Variants in CPNE8 observed in about 807,000 individuals in gnomAD.
CPNE8 encodes copine 8.
Under a neutral mutation model 81.5 loss-of-function variants are expected in CPNE8, and 45 were observed. The ratio of observed to expected loss-of-function variants is 0.55; its 90% CI spans 0.44 to 0.71. The LOEUF (loss-of-function observed/expected upper bound fraction) is 0.71, where lower values mean the gene tolerates loss of function less well. CPNE8 is among the 30% of genes least tolerant of loss of function. The probability of loss-of-function intolerance (pLI) is 0.00; values close to 1 mark genes in which losing one functional copy is unlikely to be tolerated. For missense variants in CPNE8, 594 were observed against 672.1 expected (o/e 0.88, Z 1.28); for synonymous variants, 252 against 226.3 (o/e 1.11, Z -1.02).
chr12:38,809,341 G>A (rs1016127641), intron 6 of CPNE8, among the ~76,000 whole-genome samples: 1 of 152,176 alleles, frequency 6.6e-6, no homozygotes, highest in African/African-American at 2.4e-5. Flanking sequence ...TCAGCAACAA[G>A]TAGGTTGAGT....
At chr12:38,843,053 C>T (rs1943499693) in intron 4 of CPNE8, among the ~76,000 whole-genome samples, 2 of 152,134 alleles carry the variant, frequency 1.3e-5, no homozygotes, top group Non-Finnish European at 2.9e-5. Flanking sequence ...TTAAGGAAGA[C>T]AGAATATATG....
At chr12:38,698,203 C>T (rs1268624020) in intron 14 of CPNE8, among the ~76,000 whole-genome samples, 19 of 152,126 alleles carry the variant, frequency 1.2e-4, no homozygotes, top group Non-Finnish European at 4.4e-5. Flanking sequence ...ACTTGTATAT[C>T]CTTCTTTGGA....
At chr12:38,723,181 GA>G (rs1229677220) in intron 13 of CPNE8, among the ~76,000 whole-genome samples, 2 of 152,146 alleles carry the variant, frequency 1.3e-5, no homozygotes, top group African/African-American at 2.4e-5. Context: ...AGGTTAAAAT[GA>G]GAAGCAAAAT....
chr12:38,836,636 C>T (rs1391562234), intron 5 of CPNE8, among the ~76,000 whole-genome samples: 1 of 152,160 alleles, frequency 6.6e-6, no homozygotes, highest in African/African-American at 2.4e-5. Flanking sequence ...CCACATGCAA[C>T]CTGGGCACTT....
chr12:38,879,263 C>T (rs898210567), intron 1 of CPNE8, among the ~76,000 whole-genome samples: 2 of 151,958 alleles, frequency 1.3e-5, no homozygotes, highest in African/African-American at 4.8e-5. Flanking sequence ...ATTCAAATTG[C>T]CAGATAGGAA....
chr12:38,721,811 C>T (rs907214641), intron 13 of CPNE8, among the ~76,000 whole-genome samples: 1 of 152,224 alleles, frequency 6.6e-6, no homozygotes, highest in African/African-American at 2.4e-5. Context: ...TTCCCCGGTG[C>T]CAGCCAGGGA....
rs1258295685 is a variant in CPNE8 at position 38,812,225 on chromosome 12, T to C, written c.407+17154A>G. Reference sequence around the variant, plus strand: ...CAGGTGCAGAAATAGTCCTATCATTTGAATGTGTCCCATCCAAACTTACGT... The same window carrying C: ...CAGGTGCAGAAATAGTCCTATCATTCGAATGTGTCCCATCCAAACTTACGT... On this transcript the variant is annotated intron_variant, in intron 6 of 19. Transcript: ENST00000331366. 2.0e-5 allele frequency among the ~76,000 whole-genome samples: 3 copies of C among 152,194 alleles called. No homozygotes were observed. The East Asian group carries it at 5.8e-4, about 29-fold the overall frequency.
At chr12:38,719,180 A>G (rs1940487285) in intron 13 of CPNE8, among the ~76,000 whole-genome samples, 1 of 152,218 alleles carries the variant, frequency 6.6e-6, no homozygotes, top group East Asian at 1.9e-4. Flanking sequence ...AGAATATCCA[A>G]TTCATGTGAA....
intron 19 of CPNE8, among the ~76,000 whole-genome samples, chr12:38,669,720 G>A (rs1218049524): frequency 6.6e-6 from 1 of 152,134 alleles, no homozygotes; most frequent in Non-Finnish European, 1.5e-5. Flanking sequence ...GGAGGTGGGA[G>A]GGAAAGTCTC....
At chr12:38,876,547 C>A (rs1443824786) in intron 1 of CPNE8, among the ~76,000 whole-genome samples, 1 of 148,920 alleles carries the variant, frequency 6.7e-6, no homozygotes, top group South Asian at 2.2e-4. Flanking sequence ...CTTTACTTGT[C>A]ACATTGTTTC....
chr12:38,709,776 C>A (rs929848587), intron 13 of CPNE8, among the ~76,000 whole-genome samples: 2 of 152,186 alleles, frequency 1.3e-5, no homozygotes, highest in African/African-American at 4.8e-5. Flanking sequence ...TTCACACCCA[C>A]TAATAAGGTA....
intron 6 of CPNE8, among the ~76,000 whole-genome samples, chr12:38,782,459 TA>T (rs1277059057): frequency 6.6e-6 from 1 of 152,126 alleles, no homozygotes; most frequent in African/African-American, 2.4e-5. Flanking sequence ...TGTGGTTGTG[TA>T]AAAGAATATT....
chr12:38,722,897 C>T (rs991909490), intron 13 of CPNE8, among the ~76,000 whole-genome samples: 11 of 152,066 alleles, frequency 7.2e-5, no homozygotes, highest in Non-Finnish European at 1.5e-4. Context: ...TAAGTGAGTT[C>T]TCATGAGATC....
chr12:38,692,614 G>A (rs1463734391), intron 15 of CPNE8, among the ~76,000 whole-genome samples: 1 of 152,174 alleles, frequency 6.6e-6, no homozygotes, highest in East Asian at 1.9e-4. Flanking sequence ...TGAACACAGA[G>A]GCAGGAAAGG....
At chr12:38,675,393 A>G (rs1429504408) in intron 18 of CPNE8, among the ~76,000 whole-genome samples, 2 of 152,186 alleles carry the variant, frequency 1.3e-5, no homozygotes, top group African/African-American at 4.8e-5. Context: ...CAAAAACTCA[A>G]TTTATCACTC....
chr12:38,816,886 T>C (rs1943032964), intron 6 of CPNE8, among the ~76,000 whole-genome samples: 1 of 152,170 alleles, frequency 6.6e-6, no homozygotes, highest in African/African-American at 2.4e-5. Context: ...AAGAAAACAG[T>C]GAAATGTCAA....
intron 6 of CPNE8, among the ~76,000 whole-genome samples, chr12:38,818,002 C>G (rs1050187095): frequency 6.6e-6 from 1 of 152,066 alleles, no homozygotes; most frequent in Non-Finnish European, 1.5e-5. Context: ...TGTATTTGAA[C>G]TTAGTTTTTT....
intron 3 of CPNE8, among the ~76,000 whole-genome samples, chr12:38,861,851 A>T (rs573464367): frequency 1.3e-4 from 20 of 152,284 alleles, no homozygotes; most frequent in African/African-American, 4.3e-4. Context: ...AGAAATATTG[A>T]CATATAGAGT....
At chr12:38,888,401 G>A (rs1258041927) in intron 1 of CPNE8, among the ~76,000 whole-genome samples, 5 of 152,134 alleles carry the variant, frequency 3.3e-5, no homozygotes, top group Admixed American at 3.3e-4. Context: ...TAAAGGTAAG[G>A]CTAGATTGGC....
Sources: gnomAD v4.1 joint callset for allele counts (sites outside exome capture counted in the v4.1 genomes callset) on GRCh38, gnomAD v4.1.1 for gene constraint, MANE v1.5 for transcripts, NCBI Gene and HGNC (gene_info 2026-07-23, HGNC 2026-07-21) for gene names.